ARHGAP44: variants seen among roughly 807,000 people sequenced by gnomAD.
ARHGAP44 encodes rho GTPase-activating protein 44.
A neutral mutation model predicts 106.8 loss-of-function variants in ARHGAP44; 43 were observed. The ratio of observed to expected loss-of-function variants is 0.40; its 90% CI spans 0.32 to 0.52. ARHGAP44 has a LOEUF of 0.52. Among genes scored for constraint, ARHGAP44 ranks in the 20% least tolerant of loss-of-function variants. ARHGAP44 has a pLI of 0.48. For missense variants in ARHGAP44, 866 were observed against 1,050.5 expected (o/e 0.82, Z 2.43); for synonymous variants, 439 against 410.3 (o/e 1.07, Z -0.85).
intron 1 of ARHGAP44, among the ~76,000 whole-genome samples, chr17:12,844,928 G>A (rs1398526015): frequency 6.6e-6 from 1 of 152,136 alleles, no homozygotes; most frequent in East Asian, 1.9e-4. Flanking sequence ...TACTTTTATA[G>A]CATTTGCCAA....
chr17:12,817,955 G>GTTAT (rs2034645616), intron 1 of ARHGAP44, among the ~76,000 whole-genome samples: 1 of 151,948 alleles, frequency 6.6e-6, no homozygotes, highest in Non-Finnish European at 1.5e-5. Flanking sequence ...GAATAACACA[G>GTTAT]TCTCTTTCAG....
intron 1 of ARHGAP44, among the ~76,000 whole-genome samples, chr17:12,871,044 T>C (rs1597973997): frequency 1.3e-5 from 2 of 152,244 alleles, no homozygotes; most frequent in African/African-American, 4.8e-5. Context: ...ATTGATACAA[T>C]TTACATTTCT....
At chr17:12,959,093 A>C in intron 16 of ARHGAP44, 196 bp downstream of exon 16, 1 of 629,166 alleles carries the variant, frequency 1.6e-6, no homozygotes. Context: ...ACCAGAGGTC[A>C]GTGTAGCCTT....
chr17:12,909,687 T>C (rs1469610770), intron 4 of ARHGAP44, among the ~76,000 whole-genome samples: 1 of 151,990 alleles, frequency 6.6e-6, no homozygotes, highest in Non-Finnish European at 1.5e-5. Context: ...ATTCTTAAAC[T>C]GAGAAACATG....
At chr17:12,813,549 A>T (rs558224257) in intron 1 of ARHGAP44, among the ~76,000 whole-genome samples, 2 of 152,330 alleles carry the variant, frequency 1.3e-5, no homozygotes, top group South Asian at 4.1e-4. Flanking sequence ...TTCTATCTGC[A>T]TATGAGCTTC....
intron 1 of ARHGAP44, among the ~76,000 whole-genome samples, chr17:12,836,121 A>T (rs938685084): frequency 9.9e-5 from 15 of 152,178 alleles, no homozygotes; most frequent in Admixed American, 5.9e-4. Context: ...TCTCTCTTCC[A>T]GATCCTGCTT....
intron 3 of ARHGAP44, among the ~76,000 whole-genome samples, chr17:12,908,191 CTTTTTTTTTTTT>C (rs1228178926): frequency 2.1e-5 from 2 of 95,610 alleles, no homozygotes; most frequent in African/African-American, 4.3e-5. Context: ...TGCCTCATTT[CTTTTTTTTTTTT>C]TTTTTTTTTG....
rs867501468 is a variant in ARHGAP44, at chr17:12,952,581, G to A, written c.1136G>A (p.Arg379Gln). The A allele has an allele frequency of 2.6e-6, 4 of 1,562,574 alleles. No individual in the cohort carries two copies. The highest frequency in any genetic ancestry group is 1.9e-5 in the Admixed American group (1 of 52,774). The change falls in exon 13 of 21, where the codon CGA (arginine) becomes CAA (glutamine). Residue 379 changes from arginine to glutamine, a missense_variant and splice_region_variant. Transcript: ENST00000379672. The part of the protein sequence containing the change: ...KLPKANHNNI[R>Q]YLIKFLSKLS... ...CCCAAGGCCAATCACAACAACATCC[G>A]GTAAGTGGATACTTACCAAGTATAG...
chr17:12,866,905 C>T (rs1367067028), intron 1 of ARHGAP44, among the ~76,000 whole-genome samples: 1 of 152,138 alleles, frequency 6.6e-6, no homozygotes, highest in East Asian at 1.9e-4. Flanking sequence ...GCAGCCTTTA[C>T]TTCTCAGGAG....
chr17:12,943,982 A>G (rs2038775863), intron 9 of ARHGAP44, 87 bp from the exon 10 acceptor site: 4 of 1,450,242 alleles, frequency 2.8e-6, no homozygotes, highest in Non-Finnish European at 3.7e-6. Context: ...TAATCTTAGG[A>G]GAATCTGGAC....
intron 7 of ARHGAP44, among the ~76,000 whole-genome samples, chr17:12,935,983 G>A (rs775957549): frequency 3.3e-5 from 5 of 152,180 alleles, no homozygotes; most frequent in Non-Finnish European, 5.9e-5. Flanking sequence ...CAGAGATTTT[G>A]CACTTTTCTT....
At chr17:12,942,311 TA>T (rs2038732533) in intron 8 of ARHGAP44, among the ~76,000 whole-genome samples, 1 of 152,220 alleles carries the variant, frequency 6.6e-6, no homozygotes, top group Non-Finnish European at 1.5e-5. Flanking sequence ...CATGCCCAGC[TA>T]ATTTTTGTAT....
intron 6 of ARHGAP44, among the ~76,000 whole-genome samples, chr17:12,926,849 TGAGTCAG>T (rs2038262309): frequency 6.6e-6 from 1 of 152,144 alleles, no homozygotes; most frequent in South Asian, 2.1e-4. Flanking sequence ...TCAGGTAGCA[TGAGTCAG>T]ATGGTGGTTC....
intron 1 of ARHGAP44, among the ~76,000 whole-genome samples, chr17:12,806,123 A>C (rs1003509534): frequency 2.0e-5 from 3 of 152,166 alleles, no homozygotes; most frequent in Non-Finnish European, 4.4e-5. Context: ...CCTCTGCTAG[A>C]AGTATGAGGG....
At chr17:12,838,578 G>A (rs2035303553) in intron 1 of ARHGAP44, among the ~76,000 whole-genome samples, 1 of 152,026 alleles carries the variant, frequency 6.6e-6, no homozygotes, top group African/African-American at 2.4e-5. Flanking sequence ...AGGGAATCAG[G>A]GGTGACGTTG....
At chr17:12,849,568 CTTTTT>C (rs776346185) in intron 1 of ARHGAP44, among the ~76,000 whole-genome samples, 7 of 69,966 alleles carry the variant, frequency 1.0e-4, no homozygotes, top group African/African-American at 1.8e-4. Context: ...TACTTTTGTC[CTTTTT>C]TTTTTTTTTT....
chr17:12,976,743 C>T (rs1330042048), intron 18 of ARHGAP44, among the ~76,000 whole-genome samples: 2 of 152,042 alleles, frequency 1.3e-5, no homozygotes, highest in African/African-American at 4.8e-5. Flanking sequence ...TTGATGACTT[C>T]AACTCAGAGG....
At chr17:12,816,125 G>A (rs913406375) in intron 1 of ARHGAP44, among the ~76,000 whole-genome samples, 1 of 152,080 alleles carries the variant, frequency 6.6e-6, no homozygotes. Flanking sequence ...ATGCAGGGTG[G>A]ATTGAAAAAG....
intron 1 of ARHGAP44, among the ~76,000 whole-genome samples, chr17:12,856,838 T>C (rs1047800741): frequency 2.6e-5 from 4 of 152,240 alleles, no homozygotes. Context: ...TAATGTTTGT[T>C]TTGGTGCTTT....
Sources: allele counts gnomAD v4.1 joint callset (sites outside exome capture counted in the v4.1 genomes callset), GRCh38; gene constraint gnomAD v4.1.1; transcripts MANE v1.5; gene names NCBI Gene and HGNC (gene_info 2026-07-23, HGNC 2026-07-21).